Variants in HIRA observed in about 807,000 individuals in gnomAD.
HIRA encodes histone cell cycle regulator, also known as protein HIRA.
HIRA carries 13 observed loss-of-function variants against 126.6 expected under a neutral mutation model. That is an observed-to-expected ratio of 0.10 (90% CI 0.07 to 0.16). HIRA has a LOEUF of 0.16. Among genes scored for constraint, HIRA ranks in the 10% least tolerant of loss-of-function variants. The pLI is 1.00. For synonymous variants in HIRA, 511 were observed against 520.0 expected, an observed-to-expected ratio of 0.98 and a Z score of 0.24; for missense variants, 834 against 1,314.4, an observed-to-expected ratio of 0.63 and a Z score of 5.65.
At chr22:19,335,091 T>C in intron 24 of HIRA, among the ~76,000 whole-genome samples, 1 of 152,208 alleles carries the variant, frequency 6.6e-6, no homozygotes, top group Non-Finnish European at 1.5e-5. Context: ...AAGTATTATA[T>C]CACTTTGCAT....
intron 15 of HIRA, among the ~76,000 whole-genome samples, chr22:19,368,245 G>T (rs1045313147): frequency 5.3e-5 from 8 of 152,058 alleles, no homozygotes; most frequent in African/African-American, 1.9e-4. Flanking sequence ...TAGAATCCTG[G>T]ATTCTTTTCA....
intron 24 of HIRA, among the ~76,000 whole-genome samples, chr22:19,343,496 G>A (rs532484637): frequency 2.9e-4 from 44 of 152,314 alleles, no homozygotes; most frequent in Non-Finnish European, 6.0e-4. Flanking sequence ...CTGGGAGGTG[G>A]AGGTTGAAGT....
Position 19,431,627 on chromosome 22 carries a change from C to T in HIRA, c.-151G>A. On this transcript the variant is annotated 5_prime_UTR_variant, in exon 1 of 25. Coordinates refer to ENST00000263208, the MANE Select transcript of HIRA (RefSeq NM_003325.4). ...CTCAGGGCCGCCGCGCCATCGCCGG[C>T]CCGCGCCCCCCTCCGCCGCCACAGC... 1 of 724,280 alleles carries T rather than the reference C, an allele frequency of 1.4e-6. No individual in the cohort carries two copies. Among genetic ancestry groups the T allele is most frequent in the Non-Finnish European group, 1.7e-6 (1 of 583,912 alleles). 44.9% of individuals were successfully genotyped at this position (724,280 alleles called of 1,614,324 possible).
intron 20 of HIRA, 61 bp from the exon 21 acceptor site, chr22:19,355,926 A>T: frequency 8.4e-7 from 1 of 1,192,146 alleles, no homozygotes; most frequent in Non-Finnish European, 1.2e-6. Context: ...TTTCAAACAT[A>T]TCAAAGGAGA....
At chr22:19,408,658 G>T in intron 2 of HIRA, 65 bp from the exon 3 acceptor site, 5 of 893,038 alleles carry the variant, frequency 5.6e-6, no homozygotes, top group South Asian at 1.4e-5. Flanking sequence ...AATATTTAAT[G>T]TCAAATTAAA....
At chr22:19,378,270 G>T (rs2089037998) in intron 13 of HIRA, among the ~76,000 whole-genome samples, 1 of 152,196 alleles carries the variant, frequency 6.6e-6, no homozygotes, top group South Asian at 2.1e-4. Flanking sequence ...GGTTCTATAT[G>T]TACTACTAAG....
chr22:19,377,609 T>C (rs2089031088), intron 14 of HIRA, among the ~76,000 whole-genome samples: 1 of 152,186 alleles, frequency 6.6e-6, no homozygotes, highest in Non-Finnish European at 1.5e-5. Context: ...AGCATTTCAC[T>C]GGTAGTTCCC....
intron 1 of HIRA, among the ~76,000 whole-genome samples, chr22:19,426,083 C>T (rs1211828532): frequency 5.3e-5 from 8 of 152,116 alleles, no homozygotes; most frequent in Admixed American, 5.2e-4. Flanking sequence ...CAGTCACCTG[C>T]CTACATGGCC....
chr22:19,422,203 T>TACAC (rs750767143), intron 1 of HIRA, among the ~76,000 whole-genome samples: 2,950 of 55,898 alleles, frequency 0.053, 51 homozygotes, highest in Non-Finnish European at 0.089. Flanking sequence ...CATACACATA[T>TACAC]ATATATATAC....
intron 1 of HIRA, among the ~76,000 whole-genome samples, chr22:19,429,288 C>A (rs564566165): frequency 2.0e-5 from 3 of 152,002 alleles, no homozygotes; most frequent in Admixed American, 2.0e-4. Flanking sequence ...CAGGTGCGTA[C>A]CACCACGCCC....
intron 13 of HIRA, among the ~76,000 whole-genome samples, chr22:19,379,628 T>TAAA (rs753015452): frequency 2.3e-5 from 3 of 130,976 alleles, no homozygotes; most frequent in Admixed American, 7.6e-5. Flanking sequence ...TCGCCTCAAT[T>TAAA]AAAAAAAAAA....
At chr22:19,340,431 A>G (rs1267183658) in intron 24 of HIRA, among the ~76,000 whole-genome samples, 1 of 152,158 alleles carries the variant, frequency 6.6e-6, no homozygotes, top group Non-Finnish European at 1.5e-5. Context: ...GGGAAAAGAT[A>G]AAAGGGTTCC....
At chr22:19,342,559 T>A (rs2088642850) in intron 24 of HIRA, among the ~76,000 whole-genome samples, 1 of 152,190 alleles carries the variant, frequency 6.6e-6, no homozygotes. Flanking sequence ...GCTAATTTTT[T>A]GTATTTTTAG....
At chr22:19,394,152 A>G (rs1051061967) in intron 8 of HIRA, among the ~76,000 whole-genome samples, 190 bp downstream of exon 8, 34 of 152,348 alleles carry the variant, frequency 2.2e-4, no homozygotes, top group Non-Finnish European at 3.5e-4. Context: ...ATGTGGAGCT[A>G]CGATGTTCCT....
At chr22:19,377,715 C>G (rs1050478238) in intron 14 of HIRA, among the ~76,000 whole-genome samples, 154 bp downstream of exon 14, 1 of 152,244 alleles carries the variant, frequency 6.6e-6, no homozygotes, top group African/African-American at 2.4e-5. Context: ...GTCCTCCCCT[C>G]TGAGAAGTCC....
chr22:19,378,178 G>A, intron 13 of HIRA, 112 bp from the exon 14 acceptor site: 1 of 694,860 alleles, frequency 1.4e-6, no homozygotes, highest in Non-Finnish European at 2.2e-6. Flanking sequence ...TTTCATGATA[G>A]AAAATCTGCA....
At chr22:19,422,733 T>C (rs908084192) in intron 1 of HIRA, among the ~76,000 whole-genome samples, 1 of 152,180 alleles carries the variant, frequency 6.6e-6, no homozygotes, top group Non-Finnish European at 1.5e-5. Flanking sequence ...TGTGGTATCA[T>C]GCCCAGGTCC....
intron 18 of HIRA, among the ~76,000 whole-genome samples, chr22:19,358,093 C>A (rs1556013251): frequency 1.3e-5 from 2 of 152,096 alleles, no homozygotes; most frequent in African/African-American, 2.4e-5. Flanking sequence ...TCCGCCTCCC[C>A]AGTTCAAGCG....
chr22:19,367,728 A>C (rs2088927093), intron 15 of HIRA, among the ~76,000 whole-genome samples: 2 of 152,196 alleles, frequency 1.3e-5, no homozygotes, highest in South Asian at 4.1e-4. Flanking sequence ...ACAATGCCTA[A>C]AAATAACTTC....
Sources: gnomAD v4.1 joint callset for allele counts (sites outside exome capture counted in the v4.1 genomes callset) on GRCh38, gnomAD v4.1.1 for gene constraint, MANE v1.5 for transcripts, NCBI Gene and HGNC (gene_info 2026-07-23, HGNC 2026-07-21) for gene names.